Variants in NELL1 observed in about 807,000 individuals in gnomAD.
The protein encoded by NELL1 is protein kinase C-binding protein NELL1.
A neutral mutation model predicts 107.4 loss-of-function variants in NELL1; 76 were observed. The ratio of observed to expected loss-of-function variants is 0.71; its 90% CI spans 0.59 to 0.86. NELL1 has a LOEUF of 0.86. Among genes scored for constraint, NELL1 ranks in the 40% least tolerant of loss-of-function variants. NELL1 has a pLI of 0.00. For synonymous variants in NELL1, 353 were observed against 341.2 expected (o/e 1.03, Z -0.38); for missense variants, 1,024 against 1,005.5 (o/e 1.02, Z -0.25).
intron 14 of NELL1, among the ~76,000 whole-genome samples, chr11:21,270,185 T>C (rs1176696276): frequency 6.6e-6 from 1 of 152,092 alleles, no homozygotes; most frequent in Admixed American, 6.6e-5. Flanking sequence ...GTAATAAATA[T>C]AGTAGTGTCA....
chr11:21,235,497 C>T lies in NELL1; in HGVS notation c.1549+6043C>T, dbSNP rs1858182822. Among the ~76,000 whole-genome samples, 6 of 152,002 alleles carry T rather than the reference C, an allele frequency of 3.9e-5. No homozygotes were observed. In the South Asian group the frequency reaches 1.2e-3, roughly 32 times the overall value. On this transcript the variant is annotated intron_variant, in intron 14 of 19. Transcript: ENST00000357134. ...TATAATTAGAGCCAGTTAAAATTTC[C>T]CACCTATAGAGACTGATGGAGCGGG...
intron 12 of NELL1, among the ~76,000 whole-genome samples, chr11:20,989,221 C>T (rs184104862): frequency 6.6e-6 from 1 of 152,256 alleles, no homozygotes; most frequent in East Asian, 1.9e-4. Context: ...GTCCTAATCC[C>T]CTGTGGAACA....
Position 21,409,449 on chromosome 11 carries a change from G to A in NELL1, c.1645+38501G>A, listed in dbSNP as rs540751528. On this transcript the variant is annotated intron_variant, in intron 15 of 19. Transcript: ENST00000357134. ...ACTGTTGTGGGGTTGGGGGAGCGGG[G>A]AGGGATAGCATTAGGAGATATACCT... Among the ~76,000 whole-genome samples the A allele has an allele frequency of 2.6e-5, 4 of 152,054 alleles. No individual in the cohort carries two copies. The South Asian group carries it at 6.2e-4, about 24-fold the overall frequency.
chr11:20,709,351 G>A (rs888934233), intron 2 of NELL1, among the ~76,000 whole-genome samples: 2 of 152,130 alleles, frequency 1.3e-5, no homozygotes, highest in East Asian at 3.9e-4. Context: ...TTGGCTGTAA[G>A]TATTTGGCTT....
intron 3 of NELL1, among the ~76,000 whole-genome samples, chr11:20,837,990 A>G (rs932221910): frequency 1.3e-5 from 2 of 152,054 alleles, no homozygotes; most frequent in African/African-American, 2.4e-5. Flanking sequence ...CAAAGAGGAC[A>G]GTATAAAACT....
rs894473274 is a variant in NELL1, at chr11:21,224,281, C to T, written c.1427-5051C>T. The stretch of plus-strand genomic sequence containing the variant: ...TTTTTGAGGCAAGGTCTCTGTCTAT[C>T]GCCCAAGCTGGAGTGCAGTGGCATG... On this transcript the variant is annotated intron_variant, in intron 13 of 19. Coordinates refer to ENST00000357134, the MANE Select transcript of NELL1 (RefSeq NM_006157.5). Among the ~76,000 whole-genome samples, 7 of 152,022 alleles carry T rather than the reference C, an allele frequency of 4.6e-5. No homozygotes were observed. In the East Asian group the frequency reaches 7.7e-4, roughly 17 times the overall value.
chr11:21,483,990 CATATATAT>C lies in NELL1; in HGVS notation c.1646-50349_1646-50342del, dbSNP rs781565679. 7.3e-3 allele frequency among the ~76,000 whole-genome samples: 645 copies of C among 88,376 alleles called. 5 individuals are homozygous for C. Among genetic ancestry groups the C allele is most frequent in the East Asian group, 0.045 (154 of 3,388 alleles). The allele number at this position is 88,376 out of a possible 152,430, so 58.0% of individuals were successfully genotyped here. ...TATTTGGGTATCCTATTTTACTTAACATATATATATATATATATATATATATATATATA... is the reference window on the plus strand; with the variant it reads ...TATTTGGGTATCCTATTTTACTTAACATATATATATATATATATATATATA... On this transcript the variant is annotated intron_variant, in intron 15 of 19. Coordinates refer to ENST00000357134, the MANE Select transcript of NELL1 (RefSeq NM_006157.5).
intron 14 of NELL1, among the ~76,000 whole-genome samples, chr11:21,280,820 A>G (rs1035210696): frequency 2.6e-5 from 4 of 152,092 alleles, no homozygotes; most frequent in Admixed American, 2.6e-4. Flanking sequence ...ATAAATAACA[A>G]TTTAAGTTAA....
intron 3 of NELL1, among the ~76,000 whole-genome samples, chr11:20,836,817 T>A (rs904658586): frequency 1.1e-5 from 1 of 89,380 alleles, no homozygotes; most frequent in Non-Finnish European, 3.3e-5. Flanking sequence ...GAGAGCTAAA[T>A]AGGTGAAAAA....
intron 15 of NELL1, among the ~76,000 whole-genome samples, chr11:21,405,180 G>C (rs983370371): frequency 4.6e-5 from 6 of 131,854 alleles, no homozygotes; most frequent in African/African-American, 1.7e-4. Context: ...AATCACATAA[G>C]CCACTTTGAT....
chr11:21,490,120 A>T (rs1854762019), intron 15 of NELL1, among the ~76,000 whole-genome samples: 1 of 152,066 alleles, frequency 6.6e-6, no homozygotes, highest in Non-Finnish European at 1.5e-5. Context: ...AATATACAAA[A>T]ATCAGTAGCA....
At chr11:21,315,731 C>T (rs1849865588) in intron 14 of NELL1, among the ~76,000 whole-genome samples, 1 of 152,140 alleles carries the variant, frequency 6.6e-6, no homozygotes, top group African/African-American at 2.4e-5. Flanking sequence ...CACTTTCAAA[C>T]TAGGATATAA....
At chr11:20,976,820 G>C (rs1851646182) in intron 12 of NELL1, among the ~76,000 whole-genome samples, 1 of 152,048 alleles carries the variant, frequency 6.6e-6, no homozygotes, top group Non-Finnish European at 1.5e-5. Context: ...AAAAATCTCT[G>C]TATATTTATA....
chr11:21,212,286 A>C (rs990690176), intron 13 of NELL1, among the ~76,000 whole-genome samples: 1 of 152,232 alleles, frequency 6.6e-6, no homozygotes, highest in African/African-American at 2.4e-5. Context: ...CTTCAACAGT[A>C]TCTGGCTCAT....
At chr11:20,899,379 T>C (rs1054580000) in intron 5 of NELL1, among the ~76,000 whole-genome samples, 12 of 152,180 alleles carry the variant, frequency 7.9e-5, no homozygotes, top group African/African-American at 2.9e-4. Context: ...AACAGTATCA[T>C]TTAAAGTAAC....
intron 12 of NELL1, among the ~76,000 whole-genome samples, chr11:21,032,596 G>T (rs1437700717): frequency 6.6e-6 from 1 of 152,016 alleles, no homozygotes; most frequent in East Asian, 1.9e-4. Flanking sequence ...CACCATGTTG[G>T]CCAGGCTGGT....
chr11:21,314,354 A>G (rs1849825957), intron 14 of NELL1, among the ~76,000 whole-genome samples: 1 of 152,170 alleles, frequency 6.6e-6, no homozygotes, highest in South Asian at 2.1e-4. Flanking sequence ...TAACTCTGCA[A>G]TGTTGAGCAA....
At position 21,216,088 on chromosome 11, in the gene NELL1, A is replaced by T. The variant is rs1222268992; in HGVS notation, c.1427-13244A>T. 2.0e-5 allele frequency among the ~76,000 whole-genome samples: 3 copies of T among 152,188 alleles called. No homozygotes were observed. In the East Asian group the frequency reaches 5.8e-4, roughly 29 times the overall value. ...TCAGGACTTTGTTCCTGATGCTCCAACTATGGCTAAAAGAGGCCAGGGTAC... is the reference window on the plus strand; with the variant it reads ...TCAGGACTTTGTTCCTGATGCTCCATCTATGGCTAAAAGAGGCCAGGGTAC... On this transcript the variant is annotated intron_variant, in intron 13 of 19. Transcript: ENST00000357134.
intron 13 of NELL1, among the ~76,000 whole-genome samples, chr11:21,223,703 G>T (rs1590748162): frequency 1.3e-5 from 2 of 152,166 alleles, no homozygotes; most frequent in East Asian, 3.9e-4. Flanking sequence ...AGTAATGTGT[G>T]ATCCCATTCT....
Sources: gnomAD v4.1 joint callset for allele counts (sites outside exome capture counted in the v4.1 genomes callset) on GRCh38, gnomAD v4.1.1 for gene constraint, MANE v1.5 for transcripts, NCBI Gene and HGNC (gene_info 2026-07-23, HGNC 2026-07-21) for gene names.